Variants in TBC1D5 observed in about 807,000 individuals in gnomAD.
TBC1D5 encodes TBC1 domain family, member 5.
In TBC1D5, 75 loss-of-function variants were observed where a neutral mutation model predicts 100.3. The observed-to-expected ratio is 0.75, with a 90% confidence interval of 0.62 to 0.91. TBC1D5 has a LOEUF of 0.91. Among genes scored for constraint, TBC1D5 ranks in the 40% least tolerant of loss-of-function variants. The pLI, the probability that TBC1D5 is intolerant of heterozygous loss-of-function variation, is 0.00. For missense variants in TBC1D5, 910 were observed against 942.4 expected (o/e 0.97, Z 0.45); for synonymous variants, 323 against 325.6 (o/e 0.99, Z 0.09).
At chr3:17,520,968 G>A (rs1205980289) in intron 2 of TBC1D5, among the ~76,000 whole-genome samples, 2 of 152,080 alleles carry the variant, frequency 1.3e-5, no homozygotes, top group Admixed American at 1.3e-4. Context: ...CCATCTGATT[G>A]TTACTGGAAA....
chr3:17,469,509 G>GAAAAAA (rs375335378), intron 3 of TBC1D5, among the ~76,000 whole-genome samples: 1 of 126,578 alleles, frequency 7.9e-6, no homozygotes, highest in African/African-American at 2.9e-5. Flanking sequence ...ACATGCACAA[G>GAAAAAA]AAAAAAAAAA....
chr3:17,602,807 C>T (rs1269330741), intron 2 of TBC1D5, among the ~76,000 whole-genome samples: 2 of 151,916 alleles, frequency 1.3e-5, no homozygotes, highest in Non-Finnish European at 2.9e-5. Context: ...GATCTCCTGA[C>T]CTCGTGATCC....
intron 3 of TBC1D5, among the ~76,000 whole-genome samples, chr3:17,502,441 T>C (rs1313170195): frequency 6.7e-6 from 1 of 149,398 alleles, no homozygotes; most frequent in Non-Finnish European, 1.5e-5. Context: ...AGCCTCTTTT[T>C]TTAAGTCTCC....
At chr3:17,233,646 C>A in intron 17 of TBC1D5, 39 bp downstream of exon 18, 1 of 1,257,644 alleles carries the variant, frequency 8.0e-7, no homozygotes, top group Non-Finnish European at 1.1e-6. Flanking sequence ...ATACTGTAGG[C>A]AAAGAAAAAG....
intron 11 of TBC1D5, 31 bp downstream of exon 11, chr3:17,374,598 A>C (rs2092623883): frequency 1.9e-6 from 3 of 1,610,204 alleles, no homozygotes; most frequent in Non-Finnish European, 1.7e-6. Flanking sequence ...ATGGTATAAA[A>C]AAATAAAACA....
chr3:17,522,435 C>CA (rs1422609359), intron 2 of TBC1D5, among the ~76,000 whole-genome samples: 6 of 151,948 alleles, frequency 3.9e-5, no homozygotes, highest in African/African-American at 1.4e-4. Flanking sequence ...AAAAAGGATA[C>CA]AGGAGAGGAG....
chr3:17,541,069 T>C (rs1203152674), intron 2 of TBC1D5, among the ~76,000 whole-genome samples: 2 of 151,922 alleles, frequency 1.3e-5, no homozygotes, highest in Non-Finnish European at 2.9e-5. Context: ...AGCTTTGTAG[T>C]AAGTTTTAAA....
chr3:17,221,194 G>C (rs547933876), intron 17 of TBC1D5, among the ~76,000 whole-genome samples: 8 of 116,074 alleles, frequency 6.9e-5, no homozygotes, highest in African/African-American at 1.2e-4. Context: ...AAGAGACTTT[G>C]CAGGTGTGAT....
At chr3:17,216,097 G>A (rs2073601231) in intron 17 of TBC1D5, among the ~76,000 whole-genome samples, 1 of 152,144 alleles carries the variant, frequency 6.6e-6, no homozygotes, top group Admixed American at 6.5e-5. Flanking sequence ...TGGATAGAAG[G>A]AGAGAGTCAA....
intron 1 of TBC1D5, among the ~76,000 whole-genome samples, chr3:17,645,186 T>C (rs1325164329): frequency 1.3e-5 from 2 of 151,952 alleles, no homozygotes; most frequent in Admixed American, 1.3e-4. Context: ...TGGAGTAGAG[T>C]GAGAAGAAAG....
At chr3:17,288,720 A>T (rs914078132) in intron 15 of TBC1D5, among the ~76,000 whole-genome samples, 3 of 152,166 alleles carry the variant, frequency 2.0e-5, no homozygotes, top group East Asian at 1.9e-4. Context: ...GAGCTATTTC[A>T]TCACTCAATA....
At chr3:17,695,332 G>A (rs1054600413) in intron 1 of TBC1D5, among the ~76,000 whole-genome samples, 2 of 152,106 alleles carry the variant, frequency 1.3e-5, no homozygotes, top group Non-Finnish European at 2.9e-5. Flanking sequence ...ACCCATCACT[G>A]GGCTGTATTC....
At chr3:17,474,275 A>C (rs2095413027) in intron 3 of TBC1D5, among the ~76,000 whole-genome samples, 1 of 152,150 alleles carries the variant, frequency 6.6e-6, no homozygotes. Context: ...TTACTCATCA[A>C]AACAGATTTC....
chr3:17,573,089 A>ATC lies in TBC1D5; in HGVS notation c.-36+50758_-36+50759dup, dbSNP rs574332083. ...CCTTGAGAGATCCATACATTCAACC[A>ATC]TCTCCTATCTTTAATCAACAGGATG... On this transcript the variant is annotated intron_variant, in intron 2 of 21. Transcript: ENST00000253692. Among the ~76,000 whole-genome samples, 4 of 152,122 alleles carry ATC rather than the reference A, an allele frequency of 2.6e-5. No individual in the cohort carries two copies. In the South Asian group the frequency reaches 8.3e-4, roughly 32 times the overall value.
chr3:17,211,636 G>GT (rs1367960370), intron 18 of TBC1D5, among the ~76,000 whole-genome samples: 1 of 152,132 alleles, frequency 6.6e-6, no homozygotes, highest in African/African-American at 2.4e-5. Context: ...CTGCTTCTTT[G>GT]TTTTTTGCCT....
chr3:17,245,547 AAGG>A lies in TBC1D5; in HGVS notation c.1332-7131_1332-7129del, dbSNP rs138773384. On this transcript the variant is annotated intron_variant, in intron 16 of 21. Transcript: ENST00000253692. ...CTTTCGTCTATATGATGAGCAGCAA[AAGG>A]AGTAGTGTTTGTTAGGAATAAAAAG... Among the ~76,000 whole-genome samples the A allele has an allele frequency of 1.7e-3, 263 of 152,322 alleles. 1 individual carries two copies. Among genetic ancestry groups the A allele is most frequent in the African/African-American group, 5.9e-3 (245 of 41,574 alleles).
chr3:17,477,953 A>G (rs1260429381), intron 3 of TBC1D5, among the ~76,000 whole-genome samples: 1 of 152,130 alleles, frequency 6.6e-6, no homozygotes, highest in Non-Finnish European at 1.5e-5. Context: ...TAACCAGTTC[A>G]TAATTCTGAA....
chr3:17,443,050 C>A (rs777078104), intron 3 of TBC1D5, among the ~76,000 whole-genome samples: 5 of 152,040 alleles, frequency 3.3e-5, no homozygotes, highest in Non-Finnish European at 5.9e-5. Context: ...AAGACACAGT[C>A]TAAAATTACT....
intron 18 of TBC1D5, among the ~76,000 whole-genome samples, chr3:17,193,852 A>C (rs942710645): frequency 1.3e-5 from 2 of 152,260 alleles, no homozygotes; most frequent in African/African-American, 2.4e-5. Context: ...ACACACTTAC[A>C]GAAGGTGTTC....
Sources: allele counts gnomAD v4.1 joint callset (sites outside exome capture counted in the v4.1 genomes callset), GRCh38; gene constraint gnomAD v4.1.1; transcripts MANE v1.5; gene names NCBI Gene and HGNC (gene_info 2026-07-23, HGNC 2026-07-21).